MANBA: variants seen among roughly 807,000 people sequenced by gnomAD.
MANBA encodes beta-mannosidase.
In MANBA, 83 loss-of-function variants were observed where a neutral mutation model predicts 111.1. The ratio of observed to expected loss-of-function variants is 0.75; its 90% CI spans 0.63 to 0.90. The LOEUF is 0.90. Among genes scored for constraint, MANBA ranks in the 40% least tolerant of loss-of-function variants. The probability of loss-of-function intolerance (pLI) is 0.00; values close to 1 mark genes in which losing one functional copy is unlikely to be tolerated. For missense variants in MANBA, 1,036 were observed against 1,069.0 expected (o/e 0.97, Z 0.43); for synonymous variants, 370 against 378.7 (o/e 0.98, Z 0.27).
At chr4:102,634,741 C>G (rs763836169) in intron 16 of MANBA, 47 bp downstream of exon 16, 1 of 1,611,644 alleles carries the variant, frequency 6.2e-7, no homozygotes, top group Admixed American at 1.7e-5. Context: ...AGCAGGAGAA[C>G]CCCACAAGGC....
chr4:102,747,025 A>C (rs1369457289), intron 1 of MANBA, among the ~76,000 whole-genome samples: 1 of 151,682 alleles, frequency 6.6e-6, no homozygotes, highest in Non-Finnish European at 1.5e-5. Context: ...TGGTCTAATC[A>C]CATTAAGCAG....
chr4:102,659,394 C>T (rs1439774419), intron 11 of MANBA, among the ~76,000 whole-genome samples: 3 of 152,070 alleles, frequency 2.0e-5, no homozygotes, highest in South Asian at 2.1e-4. Context: ...TTCACTTTTT[C>T]GTGGTATATC....
intron 7 of MANBA, among the ~76,000 whole-genome samples, chr4:102,683,973 TTCCTC>T (rs1381185398): frequency 6.6e-6 from 1 of 152,118 alleles, no homozygotes; most frequent in East Asian, 1.9e-4. Flanking sequence ...AGTCGGCCCT[TTCCTC>T]TCTCTCAAGT....
intron 16 of MANBA, among the ~76,000 whole-genome samples, chr4:102,634,226 C>G (rs1729512555): frequency 6.6e-6 from 1 of 152,160 alleles, no homozygotes; most frequent in Admixed American, 6.5e-5. Flanking sequence ...ATTTTTATAT[C>G]TTGGCAATTA....
chr4:102,715,014 C>G (rs1722263577), intron 4 of MANBA, among the ~76,000 whole-genome samples: 1 of 152,148 alleles, frequency 6.6e-6, no homozygotes, highest in Admixed American at 6.6e-5. Flanking sequence ...TTGGGGGGAC[C>G]ACAAGTTAGT....
intron 12 of MANBA, among the ~76,000 whole-genome samples, chr4:102,652,654 G>A (rs1173553592): frequency 6.6e-6 from 1 of 152,190 alleles, no homozygotes; most frequent in African/African-American, 2.4e-5. Flanking sequence ...ACTTTGGGAG[G>A]CTGAGGTGGG....
chr4:102,690,490 A>G (rs1732423133), intron 6 of MANBA, 106 bp downstream of exon 6: 1 of 1,055,632 alleles, frequency 9.5e-7, no homozygotes, highest in East Asian at 2.5e-5. Context: ...AAATATAAGC[A>G]GAGAAAGTAG....
rs1297397528 is a variant in MANBA at position 102,702,656 on chromosome 4, C to T, written c.673+11782G>A. ...CTGTAGAAACCACTATTTTTAAGGA[C>T]TAAGAATACAGAAAAGAAACATAGA... On this transcript the variant is annotated intron_variant, in intron 5 of 16. Coordinates refer to ENST00000647097, the MANE Select transcript of MANBA (RefSeq NM_005908.4). 2.0e-5 allele frequency among the ~76,000 whole-genome samples: 3 copies of T among 152,036 alleles called. No homozygotes were observed. In the South Asian group the frequency reaches 6.2e-4, roughly 32 times the overall value.
intron 1 of MANBA, among the ~76,000 whole-genome samples, chr4:102,750,947 TA>T (rs1384219722): frequency 1.3e-5 from 2 of 151,800 alleles, no homozygotes; most frequent in Middle Eastern, 3.2e-3. Context: ...AACAAAATAA[TA>T]AGGGATGGCA....
intron 1 of MANBA, among the ~76,000 whole-genome samples, chr4:102,736,324 C>T (rs1181297975): frequency 6.6e-6 from 1 of 152,142 alleles, no homozygotes; most frequent in Non-Finnish European, 1.5e-5. Flanking sequence ...TTGATACTTA[C>T]CATATTTACT....
At chr4:102,711,212 T>G (rs1722050657) in intron 5 of MANBA, among the ~76,000 whole-genome samples, 1 of 152,212 alleles carries the variant, frequency 6.6e-6, no homozygotes, top group African/African-American at 2.4e-5. Context: ...ATTTGCAGAC[T>G]ATTCATTTGA....
At chr4:102,671,851 A>C (rs928398838) in intron 8 of MANBA, 2 of 430,336 alleles carry the variant, frequency 4.6e-6, no homozygotes, top group African/African-American at 4.1e-5. Context: ...TACTTTTTCC[A>C]ATTCCTATTC....
chr4:102,664,692 A>G lies in MANBA; in HGVS notation c.1478T>C (p.Val493Ala). The G allele has an allele frequency of 6.2e-7, 1 of 1,611,936 alleles. No homozygotes were observed. The highest frequency in any genetic ancestry group is 8.5e-7 in the Non-Finnish European group (1 of 1,177,934). The change falls in exon 11 of 17, where the codon GTA becomes GCA. Residue 493 changes from valine (V) to alanine (A), a missense_variant. Physicochemically the swap from Val to Ala is moderately conservative, Grantham distance 64 (BLOSUM62 0). Coordinates refer to ENST00000647097, the MANE Select transcript of MANBA (RefSeq NM_005908.4). The part of the protein sequence containing the change: ...TLYVKNIREL[V>A]LAGDKSRPFI... ...TTAAAAATCATTACTTACTGCCAGT[A>G]CGAGCTCTCTGATGTTTTTCACATA...
chr4:102,695,810 CA>C (rs1732681786), intron 5 of MANBA, among the ~76,000 whole-genome samples: 2 of 152,132 alleles, frequency 1.3e-5, no homozygotes, highest in East Asian at 3.8e-4. Flanking sequence ...AAAGCAAAAG[CA>C]AAGGTACTTT....
intron 7 of MANBA, chr4:102,679,809 G>A (rs1465820465): frequency 6.6e-6 from 1 of 151,990 alleles, no homozygotes; most frequent in Non-Finnish European, 1.5e-5. Flanking sequence ...AACATAATAA[G>A]TTTGGTAGAG....
rs186221219 is a variant in MANBA, at chr4:102,734,661, G to C, written c.178-7978C>G. ...AGACAGGCAGGGAGAGGGCCTTGGG[G>C]ACAGCCCTCCTGGGAATCTATATCC... On this transcript the variant is annotated intron_variant, in intron 1 of 16. Coordinates refer to ENST00000647097, the MANE Select transcript of MANBA (RefSeq NM_005908.4). 2.5e-3 allele frequency: 3,388 copies of C among 1,341,400 alleles called. 11 individuals are homozygous for C. Among genetic ancestry groups the C allele is most frequent in the Non-Finnish European group, 3.2e-3 (3,062 of 953,468 alleles). 83.1% of individuals were successfully genotyped at this position (1,341,400 alleles called of 1,614,324 possible). A position where few individuals can be genotyped will look rare whatever the true frequency, so the allele number is the denominator to read the frequency against.
intron 7 of MANBA, among the ~76,000 whole-genome samples, chr4:102,675,224 T>C (rs1731674338): frequency 6.6e-6 from 1 of 152,234 alleles, no homozygotes; most frequent in South Asian, 2.1e-4. Flanking sequence ...AGTGTGTCCT[T>C]GACTTTACTT....
At chr4:102,686,970 T>A (rs1400165462) in intron 7 of MANBA, among the ~76,000 whole-genome samples, 1 of 152,158 alleles carries the variant, frequency 6.6e-6, no homozygotes, top group Non-Finnish European at 1.5e-5. Context: ...TCAAATATTA[T>A]TCCTTGGGTG....
intron 7 of MANBA, among the ~76,000 whole-genome samples, chr4:102,676,549 T>C (rs949296879): frequency 6.6e-6 from 1 of 152,050 alleles, no homozygotes; most frequent in Non-Finnish European, 1.5e-5. Flanking sequence ...AATTAAGAGA[T>C]TTGACTGCAA....
Sources: allele counts gnomAD v4.1 joint callset (sites outside exome capture counted in the v4.1 genomes callset), GRCh38; gene constraint gnomAD v4.1.1; transcripts MANE v1.5; gene names NCBI Gene and HGNC (gene_info 2026-07-23, HGNC 2026-07-21).